ZNF536: variants seen among roughly 807,000 people sequenced by gnomAD.
The protein encoded by ZNF536 is zinc finger protein 536.
In ZNF536, 13 loss-of-function variants were observed where a neutral mutation model predicts 84.5. The ratio of observed to expected loss-of-function variants is 0.15; its 90% CI spans 0.10 to 0.24. The LOEUF is 0.24. Among genes scored for constraint, ZNF536 ranks in the 10% least tolerant of loss-of-function variants. ZNF536 has a pLI of 1.00. For missense variants in ZNF536, 1,536 were observed against 1,747.5 expected (o/e 0.88, Z 2.16); for synonymous variants, 811 against 742.5 (o/e 1.09, Z -1.50).
intron 2 of ZNF536, among the ~76,000 whole-genome samples, chr19:30,317,592 C>T (rs549103988): frequency 1.3e-5 from 2 of 152,354 alleles, no homozygotes; most frequent in African/African-American, 4.8e-5. Context: ...ACCCAGCCCT[C>T]ACGGAGGTTG....
At chr19:30,514,140 T>C (rs991163506) in intron 2 of ZNF536, among the ~76,000 whole-genome samples, 1 of 152,182 alleles carries the variant, frequency 6.6e-6, no homozygotes, top group Admixed American at 6.5e-5. Context: ...AAATGGCGTA[T>C]GTTTTCAAAG....
chr19:30,464,226 G>A (rs1330598555), intron 2 of ZNF536, among the ~76,000 whole-genome samples: 2 of 152,204 alleles, frequency 1.3e-5, no homozygotes, highest in Non-Finnish European at 2.9e-5. Flanking sequence ...TGAAGGATTA[G>A]GGGTGCAGGC....
intron 2 of ZNF536, among the ~76,000 whole-genome samples, chr19:30,533,407 C>A (rs1006735597): frequency 2.0e-5 from 3 of 151,984 alleles, no homozygotes; most frequent in African/African-American, 7.3e-5. Context: ...GTAATCCCAG[C>A]TACTTGGGAA....
Position 30,548,164 on chromosome 19 carries a change from G to T in ZNF536, c.2545G>T (p.Asp849Tyr), listed in dbSNP as rs752609778. Reference protein sequence around the residue: ...RGAFKGLPGIDFRGGPASQQW... With the variant: ...RGAFKGLPGIYFRGGPASQQW... ...GGCCTTCAAGGGTCTCCCTGGAATC[G>T]ACTTCAGAGGAGGCCCTGCATCTCA... The change falls in exon 4 of 5, where the codon GAC becomes TAC. Residue 849 changes from aspartate to tyrosine, a missense_variant. Around this residue, in one of 8 missense-constraint regions of ZNF536, gnomAD observed 624 missense variants for 603.1 expected, o/e 1.03. Coordinates refer to ENST00000355537, the MANE Select transcript of ZNF536 (RefSeq NM_014717.3). 1.9e-6 allele frequency: 3 copies of T among 1,614,112 alleles called. No individual in the cohort carries two copies. The South Asian group carries it at 3.3e-5, about 18-fold the overall frequency.
At chr19:30,293,538 G>A (rs1290308745) in intron 2 of ZNF536, among the ~76,000 whole-genome samples, 1 of 152,164 alleles carries the variant, frequency 6.6e-6, no homozygotes, top group Non-Finnish European at 1.5e-5. Context: ...CCAGCCCCCA[G>A]TAACTACTGT....
rs1394090036 is a variant in ZNF536, at chr19:30,548,513, A to G, written c.2894A>G (p.Gln965Arg). ...GAGAAACCCAGTGGCAAGTCCTCCCAGAGGAAGTCCGAGAAATCTCAGTAT... is the reference window on the plus strand; with the variant it reads ...GAGAAACCCAGTGGCAAGTCCTCCCGGAGGAAGTCCGAGAAATCTCAGTAT... Reference protein sequence around the residue: ...GEEKPSGKSSQRKSEKSQYEP... With the variant: ...GEEKPSGKSSRRKSEKSQYEP... The change falls in exon 4 of 5, where the codon CAG becomes CGG. Residue 965 changes from glutamine (Q) to arginine (R), a missense_variant. This residue lies in a region of ZNF536 where 624 missense variants were observed against 603.1 expected (regional missense o/e 1.03). Coordinates refer to ENST00000355537, the MANE Select transcript of ZNF536 (RefSeq NM_014717.3). The G allele has an allele frequency of 6.2e-7, 1 of 1,614,048 alleles. No homozygotes were observed. The highest frequency in any genetic ancestry group is 8.5e-7 in the Non-Finnish European group (1 of 1,180,036).
chr19:30,625,727 A>G (rs1301349609), intron 1 of ZNF536, among the ~76,000 whole-genome samples: 1 of 152,234 alleles, frequency 6.6e-6, no homozygotes, highest in African/African-American at 2.4e-5. Flanking sequence ...GGACAGAAAC[A>G]GTAACCTGGA....
At chr19:30,673,224 G>A (rs1240701651) in intron 1 of ZNF536, among the ~76,000 whole-genome samples, 6 of 152,198 alleles carry the variant, frequency 3.9e-5, no homozygotes, top group African/African-American at 1.4e-4. Context: ...TGACCTATGA[G>A]ACATGAAATA....
intron 1 of ZNF536, among the ~76,000 whole-genome samples, chr19:30,595,860 A>G (rs1022049805): frequency 2.0e-5 from 3 of 152,120 alleles, no homozygotes; most frequent in Non-Finnish European, 4.4e-5. Context: ...AGAGGCAGGG[A>G]AAGGGGAAAG....
At chr19:30,340,181 T>C (rs2047520711) in intron 2 of ZNF536, among the ~76,000 whole-genome samples, 1 of 152,102 alleles carries the variant, frequency 6.6e-6, no homozygotes, top group Non-Finnish European at 1.5e-5. Flanking sequence ...AGCTCTGAGG[T>C]GTCAGAGATG....
At chr19:30,274,202 T>A (rs915017958) in intron 1 of ZNF536, among the ~76,000 whole-genome samples, 1 of 152,264 alleles carries the variant, frequency 6.6e-6, no homozygotes, top group Non-Finnish European at 1.5e-5. Flanking sequence ...CGTGATAATA[T>A]GTGTTCTCTA....
intron 1 of ZNF536, among the ~76,000 whole-genome samples, chr19:30,425,585 G>A (rs1371307879): frequency 3.3e-5 from 5 of 152,022 alleles, no homozygotes; most frequent in Admixed American, 6.6e-5. Context: ...ACTGCCACCC[G>A]CTTAGACTCT....
intron 1 of ZNF536, among the ~76,000 whole-genome samples, chr19:30,389,932 G>C (rs1821274): frequency 2.6e-5 from 4 of 152,080 alleles, no homozygotes; most frequent in African/African-American, 7.3e-5. Flanking sequence ...AGGAAAGAAG[G>C]CTTGCTGTTT....
At chr19:30,533,252 G>A (rs990335659) in intron 2 of ZNF536, among the ~76,000 whole-genome samples, 33 of 152,306 alleles carry the variant, frequency 2.2e-4, no homozygotes, top group African/African-American at 7.5e-4. Context: ...CCAGTGTAGT[G>A]GCTTATGCCT....
chr19:30,341,074 G>A (rs959876822), intron 2 of ZNF536, among the ~76,000 whole-genome samples: 6 of 151,728 alleles, frequency 4.0e-5, no homozygotes, highest in Admixed American at 2.6e-4. Context: ...GCAGCCGTTC[G>A]GCAGTGGAAA....
chr19:30,324,158 C>G (rs1473959747), intron 2 of ZNF536, among the ~76,000 whole-genome samples: 3 of 152,012 alleles, frequency 2.0e-5, no homozygotes, highest in Non-Finnish European at 4.4e-5. Context: ...TCCATCCATC[C>G]ACCCATCCAT....
intron 2 of ZNF536, among the ~76,000 whole-genome samples, chr19:30,523,467 G>A (rs1425290582): frequency 6.6e-6 from 1 of 152,106 alleles, no homozygotes; most frequent in Non-Finnish European, 1.5e-5. Context: ...TGGGGAACTT[G>A]GTTTTGACCT....
At chr19:30,396,529 C>G (rs552209020) in intron 1 of ZNF536, among the ~76,000 whole-genome samples, 7 of 150,452 alleles carry the variant, frequency 4.7e-5, no homozygotes, top group African/African-American at 1.7e-4. Context: ...GGAAGTGATT[C>G]TAAGGACAGG....
intron 1 of ZNF536, among the ~76,000 whole-genome samples, chr19:30,671,214 T>C (rs12460988): frequency 0.45 from 68,289 of 152,166 alleles, 15,737 homozygotes; most frequent in African/African-American, 0.55. Context: ...AGGCAAATCA[T>C]CAATGACCCA....
Sources: allele counts gnomAD v4.1 joint callset (sites outside exome capture counted in the v4.1 genomes callset), GRCh38; gene constraint gnomAD v4.1.1; regional missense constraint gnomAD v4.1.1; transcripts MANE v1.5; gene names NCBI Gene and HGNC (gene_info 2026-07-23, HGNC 2026-07-21).